The following ABL2 variants were observed in gnomAD, a reference collection of about 807,000 sequenced individuals.
ABL2 encodes the protein tyrosine-protein kinase ABL2.
Under a neutral mutation model 107.7 loss-of-function variants are expected in ABL2, and 49 were observed. That is an observed-to-expected ratio of 0.45 (90% CI 0.36 to 0.58). The LOEUF (loss-of-function observed/expected upper bound fraction) is 0.58, where lower values mean the gene tolerates loss of function less well. ABL2 is among the 20% of genes least tolerant of loss of function. The pLI, the probability that ABL2 is intolerant of heterozygous loss-of-function variation, is 0.00. For synonymous variants in ABL2, 549 were observed against 548.6 expected (o/e 1.00, Z -0.01); for missense variants, 1,245 against 1,457.0 (o/e 0.85, Z 2.37).
intron 1 of ABL2, among the ~76,000 whole-genome samples, chr1:179,146,961 T>C (rs1658024252): frequency 1.3e-5 from 2 of 151,978 alleles, no homozygotes; most frequent in Admixed American, 1.3e-4. Context: ...TATAGACTCT[T>C]ATCAGCCCAG....
chr1:179,179,965 G>A (rs1452097733), intron 1 of ABL2, among the ~76,000 whole-genome samples: 1 of 150,558 alleles, frequency 6.6e-6, no homozygotes, highest in African/African-American at 2.5e-5. Flanking sequence ...AAAAAAATTA[G>A]CCAGGTGTTG....
At chr1:179,148,758 G>C (rs529351088) in intron 1 of ABL2, among the ~76,000 whole-genome samples, 1 of 152,046 alleles carries the variant, frequency 6.6e-6, no homozygotes, top group African/African-American at 2.4e-5. Context: ...AAATTAGCTG[G>C]GTGTGGTGGT....
chr1:179,212,878 C>T (rs985859170), intron 1 of ABL2, among the ~76,000 whole-genome samples: 1 of 151,442 alleles, frequency 6.6e-6, no homozygotes, highest in Non-Finnish European at 1.5e-5. Flanking sequence ...GAAACCCTGT[C>T]TCTACTAAAA....
At chr1:179,197,034 A>C (rs1177374904) in intron 1 of ABL2, among the ~76,000 whole-genome samples, 2 of 152,354 alleles carry the variant, frequency 1.3e-5, no homozygotes, top group East Asian at 3.9e-4. Flanking sequence ...GAATATATCA[A>C]ACAGAAGTTA....
At chr1:179,151,404 C>G (rs1658356239) in intron 1 of ABL2, among the ~76,000 whole-genome samples, 1 of 152,194 alleles carries the variant, frequency 6.6e-6, no homozygotes, top group Non-Finnish European at 1.5e-5. Context: ...GCTCAAAGCA[C>G]CCATTGCCTA....
At chr1:179,210,520 A>AAAAAAAAAAAG (rs1662212593) in intron 1 of ABL2, among the ~76,000 whole-genome samples, 1 of 146,460 alleles carries the variant, frequency 6.8e-6, no homozygotes, top group African/African-American at 2.6e-5. Context: ...AAAAAAAAAG[A>AAAAAAAAAAAG]AAAAAAAAAG....
At chr1:179,162,851 G>A (rs769465954) in intron 1 of ABL2, among the ~76,000 whole-genome samples, 1 of 152,116 alleles carries the variant, frequency 6.6e-6, no homozygotes, top group Admixed American at 6.5e-5. Flanking sequence ...AGATCACAAG[G>A]TGAATTATAG....
At position 179,126,360 on chromosome 1, in the gene ABL2, T is replaced by A; in HGVS notation, c.687+17A>T. 6.2e-7 allele frequency: 1 copy of A among 1,605,202 alleles called. No homozygotes were observed. Among genetic ancestry groups the A allele is most frequent in the Non-Finnish European group, 8.5e-7 (1 of 1,172,514 alleles). ...GTAGCCAGTCCATGCTTAAAGGTGGTGACCAGGGAGTCTTACCTTGCCATC... is the reference window on the plus strand; with the variant it reads ...GTAGCCAGTCCATGCTTAAAGGTGGAGACCAGGGAGTCTTACCTTGCCATC... On this transcript the variant is annotated intron_variant, in intron 4 of 11. Coordinates refer to ENST00000502732, the MANE Select transcript of ABL2 (RefSeq NM_007314.4). The surrounding 1 kb of genome is among the most constrained non-coding windows in gnomAD (Gnocchi z 4.4).
At chr1:179,109,484 G>T in intron 11 of ABL2, 43 bp from the exon 12 acceptor site, 1 of 1,562,368 alleles carries the variant, frequency 6.4e-7, no homozygotes, top group Non-Finnish European at 8.6e-7. Flanking sequence ...GACAAGAAGT[G>T]AATCTATTAC....
At position 179,099,595 on chromosome 1, in the gene ABL2, T is replaced by C. The variant is rs1334092896; in HGVS notation, c.*8123A>G. 8 of 230,104 alleles carry C rather than the reference T, an allele frequency of 3.5e-5. No homozygotes were observed. The highest frequency in any genetic ancestry group is 1.9e-4 in the East Asian group (3 of 16,210). 14.3% of individuals were successfully genotyped at this position (230,104 alleles called of 1,614,324 possible). On this transcript the variant is annotated 3_prime_UTR_variant, in exon 12 of 12. Transcript: ENST00000502732. ...GATGTGTTTTTAGTTAAATCCCACA[T>C]TGTCTCACTATGTCCCCTTAGCAAT...
chr1:179,229,173 A>AACCCCCCCCCCCCCCCCCCCCCCCCCCCC, intron 1 of ABL2, 68 bp downstream of exon 1: 1 of 223,208 alleles, frequency 4.5e-6, no homozygotes, highest in Non-Finnish European at 7.2e-6. Flanking sequence ...CCCGTCCGCC[A>AACCCCCCCCCCCCCCCCCCCCCCCCCCCC]CCCACCCCGC....
chr1:179,211,808 T>TAAA lies in ABL2; in HGVS notation c.157+17432_157+17433insTTT, dbSNP rs1227771964. ...TCCTTCTCGAAAAAAAAAAAAAAAT[T>TAAA]TAAATAACTGTTTACCAATCAATAA... On this transcript the variant is annotated intron_variant, in intron 1 of 11. Transcript: ENST00000502732. Among the ~76,000 whole-genome samples, 6 of 132,386 alleles carry TAAA rather than the reference T, an allele frequency of 4.5e-5. No individual in the cohort carries two copies. In the South Asian group the frequency reaches 1.0e-3, roughly 22 times the overall value. The allele number at this position is 132,386 out of a possible 152,430, so 86.9% of individuals were successfully genotyped here. A position where few individuals can be genotyped will look rare whatever the true frequency, so the allele number is the denominator to read the frequency against.
At chr1:179,226,429 C>T (rs1406655467) in intron 1 of ABL2, among the ~76,000 whole-genome samples, 1 of 151,586 alleles carries the variant, frequency 6.6e-6, no homozygotes, top group East Asian at 2.0e-4. Flanking sequence ...CTGTCTCAGC[C>T]TCCTGAGTAG....
At chr1:179,201,356 T>C (rs970456984) in intron 1 of ABL2, 2 of 152,604 alleles carry the variant, frequency 1.3e-5, no homozygotes, top group Non-Finnish European at 2.9e-5. Flanking sequence ...ACTTATCAGC[T>C]ACTTATGCCC....
rs375064671 is a variant in ABL2, at chr1:179,103,439, T to C, written c.*4279A>G. ...TCTCAAAGTGCTGTCATATACATTA[T>C]CTCATAGTCATTAAAATAATGTGAA... On this transcript the variant is annotated 3_prime_UTR_variant, in exon 12 of 12. Coordinates refer to ENST00000502732, the MANE Select transcript of ABL2 (RefSeq NM_007314.4). 1 of 203,406 alleles carries C rather than the reference T, an allele frequency of 4.9e-6. No homozygotes were observed. Among genetic ancestry groups the C allele is most frequent in the Non-Finnish European group, 1.0e-5 (1 of 99,314 alleles). 12.6% of individuals were successfully genotyped at this position (203,406 alleles called of 1,614,324 possible).
chr1:179,120,104 G>GA (rs944373851), intron 6 of ABL2, 86 bp downstream of exon 6: 23,830 of 617,674 alleles, frequency 0.039, no homozygotes, highest in South Asian at 0.046. Context: ...TATTTAAAAA[G>GA]AAAAAAAAAA....
chr1:179,171,101 T>C (rs1226927900), intron 1 of ABL2, among the ~76,000 whole-genome samples: 1 of 152,202 alleles, frequency 6.6e-6, no homozygotes, highest in African/African-American at 2.4e-5. Flanking sequence ...TTAGCATAAT[T>C]AATAAAAACA....
chr1:179,169,123 G>C (rs948177528), intron 1 of ABL2, among the ~76,000 whole-genome samples: 2 of 152,040 alleles, frequency 1.3e-5, no homozygotes, highest in Non-Finnish European at 2.9e-5. Context: ...TTGAGAGTTA[G>C]AAATGAAAAT....
intron 1 of ABL2, among the ~76,000 whole-genome samples, chr1:179,204,076 G>A (rs1440930829): frequency 6.6e-6 from 1 of 152,048 alleles, no homozygotes; most frequent in African/African-American, 2.4e-5. Context: ...GCCCAGGCTG[G>A]AGTACAGTGG....
Sources: allele counts gnomAD v4.1 joint callset (sites outside exome capture counted in the v4.1 genomes callset), GRCh38; gene constraint gnomAD v4.1.1; non-coding constraint Gnocchi (gnomAD v3.1); transcripts MANE v1.5; gene names NCBI Gene and HGNC (gene_info 2026-07-23, HGNC 2026-07-21).